ZFHX3: variants seen among roughly 807,000 people sequenced by gnomAD.
ZFHX3 encodes the protein zinc finger homeobox 3.
In ZFHX3, 42 loss-of-function variants were observed where a neutral mutation model predicts 279.1. That is an observed-to-expected ratio of 0.15 (90% confidence interval 0.12 to 0.19). The LOEUF (loss-of-function observed/expected upper bound fraction) is 0.19. Among genes scored for constraint, ZFHX3 ranks in the 10% least tolerant of loss-of-function variants. The pLI is 1.00. For synonymous variants in ZFHX3, 2,293 were observed against 1,957.8 expected (o/e 1.17, Z -4.52); for missense variants, 4,981 against 4,754.0 (o/e 1.05, Z -1.40).
At chr16:73,678,157 T>G (rs2052973440) in intron 2 of ZFHX3, among the ~76,000 whole-genome samples, 2 of 152,242 alleles carry the variant, frequency 1.3e-5, no homozygotes, top group East Asian at 1.9e-4. Flanking sequence ...TTATTTATAT[T>G]AGCAAAATCA....
intron 2 of ZFHX3, among the ~76,000 whole-genome samples, chr16:73,515,502 GAGAA>G (rs1441382207): frequency 6.6e-6 from 1 of 150,564 alleles, no homozygotes. Flanking sequence ...AGAGGAGAGA[GAGAA>G]AGAGAGAGAA....
At chr16:72,882,426 C>T (rs777096726) in intron 4 of ZFHX3, among the ~76,000 whole-genome samples, 4 of 152,130 alleles carry the variant, frequency 2.6e-5, no homozygotes, top group Non-Finnish European at 5.9e-5. Flanking sequence ...AGAAAAATAA[C>T]GCAACGAATG....
rs529764224 is a variant in ZFHX3 at position 73,821,441 on chromosome 16, T to C, written c.-1608+70210A>G. Among the ~76,000 whole-genome samples, 161 of 152,348 alleles carry C rather than the reference T, an allele frequency of 1.1e-3. 1 individual carries two copies. Among genetic ancestry groups the C allele is most frequent in the Non-Finnish European group, 1.5e-3 (100 of 68,028 alleles). On this transcript the variant is annotated intron_variant, in intron 1 of 17. Transcript: ENST00000641206. ...TTAACCTTCTCAGCATCTCTGCAAC[T>C]TAGCTATGCCTATGACCTGTTGGGT... is the stretch of plus-strand genomic sequence containing the variant.
intron 4 of ZFHX3, among the ~76,000 whole-genome samples, chr16:72,850,438 A>G (rs1391716106): frequency 2.0e-5 from 3 of 152,246 alleles, no homozygotes; most frequent in Non-Finnish European, 2.9e-5. Context: ...TGAAATACAC[A>G]TAGTCAATCA....
chr16:73,646,934 G>A (rs1276327957), intron 2 of ZFHX3, among the ~76,000 whole-genome samples: 2 of 151,856 alleles, frequency 1.3e-5, no homozygotes, highest in African/African-American at 2.4e-5. Context: ...GTGAAAGAAC[G>A]TAATTACGCA....
chr16:73,141,146 T>C (rs923070237), intron 6 of ZFHX3, among the ~76,000 whole-genome samples: 2 of 152,208 alleles, frequency 1.3e-5, no homozygotes, highest in African/African-American at 4.8e-5. Flanking sequence ...GACCTAATAC[T>C]GTAGTTTTCA....
intron 2 of ZFHX3, among the ~76,000 whole-genome samples, chr16:73,464,836 TG>T (rs2018536248): frequency 1.3e-5 from 2 of 152,200 alleles, no homozygotes; most frequent in Admixed American, 1.3e-4. Flanking sequence ...CTTTGTCAAA[TG>T]GGAAAGTTCA....
chr16:73,235,809 T>A (rs940707628), intron 5 of ZFHX3, among the ~76,000 whole-genome samples: 15 of 152,030 alleles, frequency 9.9e-5, no homozygotes, highest in African/African-American at 3.4e-4. Context: ...CGGCTGGGAC[T>A]ATAGGCATGC....
chr16:73,134,057 C>T (rs1256111727), intron 6 of ZFHX3, among the ~76,000 whole-genome samples: 3 of 152,104 alleles, frequency 2.0e-5, no homozygotes, highest in African/African-American at 4.8e-5. Context: ...AATATTCATT[C>T]GTTGAATCCC....
intron 1 of ZFHX3, among the ~76,000 whole-genome samples, chr16:73,738,109 T>C (rs1244555380): frequency 3.3e-5 from 5 of 152,192 alleles, no homozygotes; most frequent in Admixed American, 3.3e-4. Context: ...TATGGAACTT[T>C]CTTAAAGAAG....
chr16:73,090,821 G>A (rs140232759), intron 8 of ZFHX3, among the ~76,000 whole-genome samples: 1,842 of 150,844 alleles, frequency 0.012, 40 homozygotes, highest in African/African-American at 0.041. Context: ...TGAGGTGGGA[G>A]AATCACTTGA....
At chr16:73,707,400 G>A (rs2053314887) in intron 1 of ZFHX3, among the ~76,000 whole-genome samples, 2 of 152,046 alleles carry the variant, frequency 1.3e-5, no homozygotes, top group African/African-American at 2.4e-5. Flanking sequence ...AGTTGTGGAT[G>A]GAGACCTAGA....
At chr16:73,591,692 C>CAAAAAAAAAAAAAAAAAAA (rs57402211) in intron 2 of ZFHX3, among the ~76,000 whole-genome samples, 10 of 33,442 alleles carry the variant, frequency 3.0e-4, no homozygotes, top group East Asian at 1.3e-3. Context: ...GACTCTGTCT[C>CAAAAAAAAAAAAAAAAAAA]AAAAAAAAAA....
At chr16:73,752,211 G>A (rs2053768134) in intron 1 of ZFHX3, among the ~76,000 whole-genome samples, 1 of 152,014 alleles carries the variant, frequency 6.6e-6, no homozygotes, top group South Asian at 2.1e-4. Context: ...TCTTGAGCTT[G>A]GATTCCATGT....
chr16:73,105,444 C>CATAT (rs756088886), intron 7 of ZFHX3, among the ~76,000 whole-genome samples: 1 of 125,512 alleles, frequency 8.0e-6, no homozygotes, highest in South Asian at 2.7e-4. Flanking sequence ...CACACACACA[C>CATAT]ATATATATAT....
chr16:72,788,929 T>C, intron 9 of ZFHX3, 81 bp from the exon 10 acceptor site: 1 of 1,492,160 alleles, frequency 6.7e-7, no homozygotes, highest in Admixed American at 2.4e-5. Flanking sequence ...CCGGTGTCAC[T>C]GGCACACAGT....
chr16:73,681,062 C>T (rs1421609800), intron 1 of ZFHX3, among the ~76,000 whole-genome samples: 1 of 152,206 alleles, frequency 6.6e-6, no homozygotes, highest in Non-Finnish European at 1.5e-5. Flanking sequence ...GACCACCTCT[C>T]AGTGGATGTC....
chr16:73,040,542 G>T (rs924481485), intron 1 of ZFHX3, among the ~76,000 whole-genome samples: 4 of 152,010 alleles, frequency 2.6e-5, no homozygotes, highest in African/African-American at 7.2e-5. Flanking sequence ...AGCCTGGGGA[G>T]GGGGACAGAA....
At chr16:73,116,623 T>A (rs1966436342) in intron 7 of ZFHX3, among the ~76,000 whole-genome samples, 1 of 152,136 alleles carries the variant, frequency 6.6e-6, no homozygotes, top group East Asian at 1.9e-4. Flanking sequence ...TGGAGTGGGT[T>A]GGCTTCTTCC....
Sources: allele counts gnomAD v4.1 joint callset (sites outside exome capture counted in the v4.1 genomes callset), GRCh38; gene constraint gnomAD v4.1.1; transcripts MANE v1.5; gene names NCBI Gene and HGNC (gene_info 2026-07-23, HGNC 2026-07-21).